CDH9: variants seen among roughly 807,000 people sequenced by gnomAD.
The protein encoded by CDH9 is cadherin 9.
Under a neutral mutation model 70.9 loss-of-function variants are expected in CDH9, and 28 were observed. The ratio of observed to expected loss-of-function variants is 0.40; its 90% confidence interval spans 0.29 to 0.54. The LOEUF is 0.54. Ranked by LOEUF, CDH9 falls within the 20% of genes least tolerant of loss-of-function variation. CDH9 has a pLI of 0.59. For missense variants in CDH9, 874 were observed against 984.4 expected (o/e 0.89, Z 1.50); for synonymous variants, 409 against 343.1 (o/e 1.19, Z -2.12).
chr5:26,887,014 G>A (rs1740577104), intron 9 of CDH9, among the ~76,000 whole-genome samples: 1 of 152,092 alleles, frequency 6.6e-6, no homozygotes, highest in South Asian at 2.1e-4. Flanking sequence ...AATAGTTTAA[G>A]CTTTCCATTG....
chr5:26,958,639 C>T (rs908415549), intron 2 of CDH9, among the ~76,000 whole-genome samples: 1 of 152,068 alleles, frequency 6.6e-6, no homozygotes, highest in Non-Finnish European at 1.5e-5. Context: ...AAGACACTGC[C>T]TCAGTACAAG....
At chr5:26,901,914 T>C (rs1193361404) in intron 7 of CDH9, among the ~76,000 whole-genome samples, 1 of 151,940 alleles carries the variant, frequency 6.6e-6, no homozygotes, top group East Asian at 1.9e-4. Flanking sequence ...GTTATGAGAA[T>C]ATAATTGACA....
intron 2 of CDH9, among the ~76,000 whole-genome samples, chr5:26,981,972 T>C (rs1266307774): frequency 6.6e-6 from 1 of 152,086 alleles, no homozygotes; most frequent in Non-Finnish European, 1.5e-5. Flanking sequence ...ATTTACAGCC[T>C]TGTACATAAA....
At chr5:26,919,061 C>T (rs1050167949) in intron 2 of CDH9, among the ~76,000 whole-genome samples, 4 of 152,118 alleles carry the variant, frequency 2.6e-5, no homozygotes, top group African/African-American at 9.7e-5. Context: ...CCCACAGGAA[C>T]ATCAGATTGA....
chr5:27,027,386 T>C (rs1396818438), intron 1 of CDH9, among the ~76,000 whole-genome samples: 2 of 152,036 alleles, frequency 1.3e-5, no homozygotes, highest in Non-Finnish European at 2.9e-5. Flanking sequence ...CTGTCCTACT[T>C]TTGTATATGG....
chr5:27,021,568 T>C (rs957838203), intron 1 of CDH9, among the ~76,000 whole-genome samples: 1 of 151,814 alleles, frequency 6.6e-6, no homozygotes, highest in Non-Finnish European at 1.5e-5. Flanking sequence ...TCTTTTAAAA[T>C]AGTATAAAAT....
chr5:26,937,556 T>A (rs1453873632), intron 2 of CDH9, among the ~76,000 whole-genome samples: 3 of 152,164 alleles, frequency 2.0e-5, no homozygotes, highest in Non-Finnish European at 4.4e-5. Context: ...AGCAACTTTA[T>A]GCATAACTGG....
chr5:27,030,026 A>G (rs1743284611), intron 1 of CDH9, among the ~76,000 whole-genome samples: 1 of 152,036 alleles, frequency 6.6e-6, no homozygotes. Context: ...GGTAGTAATA[A>G]GTATACAAGG....
chr5:26,960,861 A>C (rs1336718930), intron 2 of CDH9, among the ~76,000 whole-genome samples: 1 of 152,056 alleles, frequency 6.6e-6, no homozygotes, highest in Non-Finnish European at 1.5e-5. Context: ...TGTGTATTTT[A>C]CTACTAACAA....
chr5:27,011,632 T>G (rs1430872186), intron 1 of CDH9, among the ~76,000 whole-genome samples: 1 of 152,092 alleles, frequency 6.6e-6, no homozygotes, highest in African/African-American at 2.4e-5. Flanking sequence ...AGGAAACTTA[T>G]AGTGTTAAAG....
At chr5:27,015,012 G>A (rs949507683) in intron 1 of CDH9, among the ~76,000 whole-genome samples, 6 of 151,878 alleles carry the variant, frequency 4.0e-5, no homozygotes, top group Non-Finnish European at 7.4e-5. Context: ...TTAGAAGACT[G>A]CGATGCAAGG....
chr5:26,955,149 T>C (rs948460573), intron 2 of CDH9, among the ~76,000 whole-genome samples: 1 of 152,252 alleles, frequency 6.6e-6, no homozygotes, highest in African/African-American at 2.4e-5. Flanking sequence ...CAACTCTTCT[T>C]TTCCAGTTTT....
rs999883718 is a variant in CDH9 at position 27,002,527 on chromosome 5, C to A, written c.-49-14145G>T. On this transcript the variant is annotated intron_variant, in intron 1 of 11. Coordinates refer to ENST00000231021, the MANE Select transcript of CDH9 (RefSeq NM_016279.4). ...AAAGACTTGGAACCAACCCAAATGT[C>A]CATCAATGATAGACTGGATTAAGAA... is the stretch of plus-strand genomic sequence containing the variant. 2.2e-4 allele frequency among the ~76,000 whole-genome samples: 33 copies of A among 152,206 alleles called. No homozygotes were observed. In the Middle Eastern group the frequency reaches 0.017, roughly 78 times the overall value.
intron 1 of CDH9, among the ~76,000 whole-genome samples, chr5:27,008,882 A>T (rs1579510239): frequency 6.6e-6 from 1 of 152,200 alleles, no homozygotes; most frequent in Non-Finnish European, 1.5e-5. Flanking sequence ...AAGGAAAAAT[A>T]ACTTTGCAAT....
intron 9 of CDH9, among the ~76,000 whole-genome samples, chr5:26,886,445 A>T: frequency 6.6e-6 from 1 of 152,138 alleles, no homozygotes; most frequent in East Asian, 1.9e-4. Context: ...GCAATCTGTT[A>T]CTTCCACTAG....
chr5:26,928,179 C>T (rs1189399378), intron 2 of CDH9, among the ~76,000 whole-genome samples: 3 of 151,820 alleles, frequency 2.0e-5, no homozygotes, highest in Non-Finnish European at 2.9e-5. Context: ...ATACAAAAAA[C>T]AATAACATTT....
intron 3 of CDH9, among the ~76,000 whole-genome samples, chr5:26,913,346 T>C (rs150965955): frequency 6.6e-6 from 1 of 152,090 alleles, no homozygotes; most frequent in African/African-American, 2.4e-5. Context: ...TGAACCAAAG[T>C]GGAAGCAAGT....
chr5:27,013,693 A>T (rs1743000073), intron 1 of CDH9, among the ~76,000 whole-genome samples: 1 of 151,924 alleles, frequency 6.6e-6, no homozygotes, highest in Admixed American at 6.6e-5. Flanking sequence ...ATGAATATAT[A>T]TTGCAAGAAA....
At chr5:26,914,625 A>G (rs1320660517) in intron 3 of CDH9, among the ~76,000 whole-genome samples, 1 of 152,030 alleles carries the variant, frequency 6.6e-6, no homozygotes, top group Non-Finnish European at 1.5e-5. Flanking sequence ...GTTTTTAAAA[A>G]TTCTTGGTTC....
Sources: allele counts gnomAD v4.1 joint callset (sites outside exome capture counted in the v4.1 genomes callset), GRCh38; gene constraint gnomAD v4.1.1; transcripts MANE v1.5; gene names NCBI Gene and HGNC (gene_info 2026-07-23, HGNC 2026-07-21).